PRELID2: variants seen among roughly 807,000 people sequenced by gnomAD.
PRELID2 encodes PRELI domain containing 2, also known as PRELI domain-containing protein 2.
PRELID2 carries 25 observed loss-of-function variants against 28.4 expected under a neutral mutation model. That is an observed-to-expected ratio of 0.88 (90% CI 0.64 to 1.23). The LOEUF is 1.23. PRELID2 is among the 50% of genes most tolerant of loss of function. The pLI is 0.00. For synonymous variants in PRELID2, 76 were observed against 71.6 expected (o/e 1.06, Z -0.31); for missense variants, 201 against 214.4 (o/e 0.94, Z 0.39).
At chr5:145,449,219 T>G in the PRELID2 span, among the ~76,000 whole-genome samples, 3 of 152,104 alleles carry the variant, frequency 2.0e-5, no homozygotes, top group Non-Finnish European at 4.4e-5. Flanking sequence ...CACATGTTCA[T>G]TCTAATGAGA....
chr5:145,236,032 C>T, the PRELID2 span, among the ~76,000 whole-genome samples: 1 of 152,104 alleles, frequency 6.6e-6, no homozygotes, highest in African/African-American at 2.4e-5. Context: ...GAATGAGTTG[C>T]TAGAAGATGC....
intron 5 of PRELID2, among the ~76,000 whole-genome samples, chr5:145,772,130 T>A (rs1581171429): frequency 6.6e-6 from 1 of 152,238 alleles, no homozygotes; most frequent in East Asian, 1.9e-4. Context: ...CAGTTAAAAT[T>A]CATTGGCACA....
the PRELID2 span, among the ~76,000 whole-genome samples, chr5:145,289,392 T>C: frequency 6.6e-6 from 1 of 152,170 alleles, no homozygotes; most frequent in Non-Finnish European, 1.5e-5. Flanking sequence ...CCTAGCAATA[T>C]GGACTTAAGA....
chr5:145,473,160 G>C (rs1752068542), intron 2 of PRELID2: 1 of 152,110 alleles, frequency 6.6e-6, no homozygotes, highest in South Asian at 2.1e-4. Flanking sequence ...GAGTGAAGAA[G>C]GCTTCCATCT....
At chr5:145,612,775 C>T (rs931249328) in intron 1 of PRELID2, among the ~76,000 whole-genome samples, 1 of 152,184 alleles carries the variant, frequency 6.6e-6, no homozygotes, top group Non-Finnish European at 1.5e-5. Context: ...CAGGTCACTG[C>T]TAATGTGGTT....
chr5:145,265,507 C>A, the PRELID2 span, among the ~76,000 whole-genome samples: 943 of 152,196 alleles, frequency 6.2e-3, 20 homozygotes, highest in African/African-American at 0.022. Flanking sequence ...GCCTGCACAG[C>A]CAAAGCAAGA....
At chr5:145,449,128 T>C in the PRELID2 span, among the ~76,000 whole-genome samples, 1 of 152,072 alleles carries the variant, frequency 6.6e-6, no homozygotes, top group African/African-American at 2.4e-5. Context: ...TGACTATTGG[T>C]TCTGAAAGCC....
At chr5:145,710,494 T>C (rs1008658806) in intron 1 of PRELID2, among the ~76,000 whole-genome samples, 16 of 152,242 alleles carry the variant, frequency 1.1e-4, no homozygotes, top group African/African-American at 3.6e-4. Context: ...TGCATGATTC[T>C]AGTTTACCTA....
intron 1 of PRELID2, among the ~76,000 whole-genome samples, chr5:145,743,408 C>T (rs111875941): frequency 0.05 from 2,609 of 52,386 alleles, 70 homozygotes; most frequent in East Asian, 0.2. Context: ...TGAAACTCTG[C>T]GGCAAAAAAA....
rs572197379 is a variant in PRELID2, at chr5:145,705,955, C to G, written n.70+58976G>C. ...ATGTGCGCCTACACACACACACACA[C>G]ACACACACACACACACTCCCCACAA... On this transcript the variant is annotated intron_variant and non_coding_transcript_variant, in intron 1 of 2. Coordinates refer to the PRELID2 transcript ENST00000510259. Among the ~76,000 whole-genome samples, 6 of 151,928 alleles carry G rather than the reference C, an allele frequency of 3.9e-5. No homozygotes were observed. In the East Asian group the frequency reaches 1.2e-3, roughly 29 times the overall value.
At chr5:145,743,069 G>A (rs894417157) in intron 1 of PRELID2, among the ~76,000 whole-genome samples, 1 of 151,914 alleles carries the variant, frequency 6.6e-6, no homozygotes, top group Admixed American at 6.6e-5. Flanking sequence ...ATTAGGGGGC[G>A]GGGCTAAAAT....
At position 145,480,408 on chromosome 5, in the gene PRELID2, G is replaced by A. The variant is rs181746855; in HGVS notation, n.71-7093C>T. ...ACAAAGAAGTATCAATGATATACAGGGTGTTTCCTAGATATTAACCACGTG... is the reference window on the plus strand; with the variant it reads ...ACAAAGAAGTATCAATGATATACAGAGTGTTTCCTAGATATTAACCACGTG... On this transcript the variant is annotated intron_variant and non_coding_transcript_variant, in intron 1 of 2. Coordinates refer to the PRELID2 transcript ENST00000510259. Among the ~76,000 whole-genome samples the A allele has an allele frequency of 2.2e-4, 33 of 151,844 alleles. No homozygotes were observed. In the East Asian group the frequency reaches 6.4e-3, roughly 29 times the overall value.
At chr5:145,683,198 T>C (rs888711797) in intron 1 of PRELID2, among the ~76,000 whole-genome samples, 4 of 152,170 alleles carry the variant, frequency 2.6e-5, no homozygotes, top group East Asian at 1.9e-4. Context: ...ACTTTGACTT[T>C]AGGTAAGTCA....
At chr5:145,824,463 T>TGTGTGTGTGTGTGA (rs373555427) in intron 1 of PRELID2, among the ~76,000 whole-genome samples, 8,645 of 143,528 alleles carry the variant, frequency 0.06, 475 homozygotes, top group Non-Finnish European at 0.085. Flanking sequence ...TGTGTGTGTG[T>TGTGTGTGTGTGTGA]GATATTGATT....
At chr5:145,264,868 G>C in the PRELID2 span, among the ~76,000 whole-genome samples, 78 of 150,568 alleles carry the variant, frequency 5.2e-4, no homozygotes, top group Non-Finnish European at 7.5e-4. Flanking sequence ...CAGCTACTCA[G>C]GAGACTGAGG....
chr5:145,631,471 C>A (rs1468851970), intron 1 of PRELID2, among the ~76,000 whole-genome samples: 1 of 152,158 alleles, frequency 6.6e-6, no homozygotes, highest in Non-Finnish European at 1.5e-5. Flanking sequence ...ATCGCAATAT[C>A]TTTCTTCCTT....
chr5:145,710,564 T>C (rs1422163730), intron 1 of PRELID2, among the ~76,000 whole-genome samples: 2 of 152,220 alleles, frequency 1.3e-5, no homozygotes, highest in Non-Finnish European at 2.9e-5. Context: ...CCCTGAACTA[T>C]GGCTAAAACA....
At chr5:145,285,434 G>A in the PRELID2 span, among the ~76,000 whole-genome samples, 2 of 152,058 alleles carry the variant, frequency 1.3e-5, no homozygotes, top group African/African-American at 4.8e-5. Context: ...TCAAACAGCA[G>A]AATTAAGCTT....
chr5:145,661,507 A>T (rs1754491743), intron 1 of PRELID2, among the ~76,000 whole-genome samples: 1 of 152,008 alleles, frequency 6.6e-6, no homozygotes, highest in Non-Finnish European at 1.5e-5. Flanking sequence ...GCTGGCTGAG[A>T]TCCACTGCCT....
Sources: gnomAD v4.1 joint callset for allele counts (sites outside exome capture counted in the v4.1 genomes callset) on GRCh38, gnomAD v4.1.1 for gene constraint, MANE v1.5 for transcripts, NCBI Gene and HGNC (gene_info 2026-07-23, HGNC 2026-07-21) for gene names.